Variants in DNAJC3 observed in about 807,000 individuals in gnomAD.
The protein encoded by DNAJC3 is DnaJ heat shock protein family (Hsp40) member C3.
A neutral mutation model predicts 68.6 loss-of-function variants in DNAJC3; 38 were observed. The observed-to-expected ratio is 0.55, with a 90% CI of 0.43 to 0.73. DNAJC3 has a LOEUF of 0.73. DNAJC3 is among the 30% of genes least tolerant of loss of function. The pLI is 0.00. For synonymous variants in DNAJC3, 203 were observed against 204.0 expected (o/e 1.00, Z 0.04); for missense variants, 526 against 591.9 (o/e 0.89, Z 1.16).
intron 4 of DNAJC3, among the ~76,000 whole-genome samples, chr13:95,750,840 A>C (rs2139666739): frequency 6.6e-6 from 1 of 152,238 alleles, no homozygotes; most frequent in East Asian, 1.9e-4. Flanking sequence ...TAAACTGGAA[A>C]TAGTAAAACC....
intron 4 of DNAJC3, among the ~76,000 whole-genome samples, chr13:95,729,768 A>G (rs1881655104): frequency 6.6e-6 from 1 of 151,978 alleles, no homozygotes; most frequent in South Asian, 2.1e-4. Context: ...GATGTTGAAC[A>G]TTTTTTCATA....
chr13:95,704,839 CTG>C (rs990886148), intron 1 of DNAJC3, among the ~76,000 whole-genome samples: 55 of 112,038 alleles, frequency 4.9e-4, no homozygotes, highest in African/African-American at 1.9e-3. Context: ...AAGGACTAAT[CTG>C]TGTGTGTGTG....
At chr13:95,787,642 G>A (rs1053157658) in intron 11 of DNAJC3, among the ~76,000 whole-genome samples, 14 of 151,844 alleles carry the variant, frequency 9.2e-5, no homozygotes, top group African/African-American at 3.4e-4. Flanking sequence ...TGAATCATAG[G>A]ATCATTAGAT....
intron 3 of DNAJC3, among the ~76,000 whole-genome samples, chr13:95,724,250 T>C (rs1359837417): frequency 1.2e-4 from 19 of 152,152 alleles, no homozygotes; most frequent in Admixed American, 6.5e-5. Flanking sequence ...AGTTTAATCT[T>C]GCTTTTTATT....
rs1171845899 is a variant in DNAJC3 at position 95,794,207 on chromosome 13, T to TAAC, written c.*3178_*3180dup. 6.6e-6 allele frequency: 1 copy of TAAC among 152,220 alleles called. No homozygotes were observed. The highest frequency in any genetic ancestry group is 1.5e-5 in the Non-Finnish European group (1 of 68,040). The allele number at this position is 152,220 out of a possible 1,614,324, so 9.4% of individuals were successfully genotyped here. A position where few individuals can be genotyped will look rare whatever the true frequency, so the allele number is the denominator to read the frequency against. On this transcript the variant is annotated 3_prime_UTR_variant, in exon 12 of 12. Transcript: ENST00000602402. ...ACTACCCACAGTTTAAGAGAAAACA[T>TAAC]AACTTGGTAAAAAAGGTAGCCAATA...
chr13:95,769,082 C>G (rs1883093468), intron 9 of DNAJC3, among the ~76,000 whole-genome samples: 1 of 152,146 alleles, frequency 6.6e-6, no homozygotes, highest in African/African-American at 2.4e-5. Context: ...GTCTCAGCCA[C>G]CAACACAGCT....
chr13:95,710,909 C>G (rs1880936456), intron 2 of DNAJC3, among the ~76,000 whole-genome samples: 1 of 151,984 alleles, frequency 6.6e-6, no homozygotes. Context: ...CAGCCTGTCT[C>G]AAACTCTTGT....
chr13:95,779,848 A>G (rs765098783), intron 9 of DNAJC3, among the ~76,000 whole-genome samples: 8 of 152,140 alleles, frequency 5.3e-5, no homozygotes, highest in Non-Finnish European at 8.8e-5. Context: ...TGTTTTTCTG[A>G]TGAACATTCA....
intron 1 of DNAJC3, chr13:95,693,356 T>G (rs1437269933): frequency 6.6e-6 from 1 of 152,208 alleles, no homozygotes; most frequent in Admixed American, 6.5e-5. Flanking sequence ...CCTGAGCCCT[T>G]TCTAGTACTC....
intron 1 of DNAJC3, among the ~76,000 whole-genome samples, chr13:95,700,984 C>T (rs1053904904): frequency 6.6e-6 from 1 of 152,022 alleles, no homozygotes; most frequent in Admixed American, 6.6e-5. Context: ...TTTTTTAAAG[C>T]CTCATTAATC....
intron 1 of DNAJC3, among the ~76,000 whole-genome samples, chr13:95,704,384 G>A (rs1880662765): frequency 6.6e-6 from 1 of 152,178 alleles, no homozygotes; most frequent in Admixed American, 6.5e-5. Flanking sequence ...ATAAACTGCA[G>A]CTTGTAAAAC....
intron 2 of DNAJC3, among the ~76,000 whole-genome samples, chr13:95,717,208 G>A (rs188333557): frequency 1.3e-5 from 2 of 152,290 alleles, no homozygotes; most frequent in Middle Eastern, 3.4e-3. Flanking sequence ...TGAAATGATC[G>A]ATTTCTTCAT....
At chr13:95,698,160 T>G (rs1016196956) in intron 1 of DNAJC3, among the ~76,000 whole-genome samples, 10 of 151,976 alleles carry the variant, frequency 6.6e-5, no homozygotes, top group Non-Finnish European at 1.2e-4. Context: ...TAGGGTAGAG[T>G]CTTTTGCTTT....
At chr13:95,725,299 A>G in intron 4 of DNAJC3, 47 bp downstream of exon 4, 1 of 1,415,240 alleles carries the variant, frequency 7.1e-7, no homozygotes. Flanking sequence ...ATTTTGAGAG[A>G]ACGTATTTGA....
At chr13:95,740,130 CG>C (rs1566493359) in intron 4 of DNAJC3, among the ~76,000 whole-genome samples, 1 of 152,160 alleles carries the variant, frequency 6.6e-6, no homozygotes, top group Non-Finnish European at 1.5e-5. Flanking sequence ...GCTCGGGGGT[CG>C]GGGTCAGGGA....
intron 1 of DNAJC3, among the ~76,000 whole-genome samples, chr13:95,707,082 C>T (rs975385785): frequency 6.6e-5 from 10 of 152,114 alleles, no homozygotes; most frequent in South Asian, 4.1e-4. Context: ...GAATCTGTTC[C>T]ACTTCAGATC....
intron 2 of DNAJC3, among the ~76,000 whole-genome samples, chr13:95,712,861 G>A (rs1045018563): frequency 6.6e-6 from 1 of 152,146 alleles, no homozygotes; most frequent in African/African-American, 2.4e-5. Flanking sequence ...TAATCACGGG[G>A]GAAAATACAG....
At chr13:95,760,013 T>C in intron 5 of DNAJC3, 27 bp from the exon 6 acceptor site, 3 of 1,537,048 alleles carry the variant, frequency 2.0e-6, no homozygotes, top group Non-Finnish European at 2.6e-6. Flanking sequence ...TATTCTTTCT[T>C]AAAGTCTAGT....
intron 1 of DNAJC3, among the ~76,000 whole-genome samples, chr13:95,700,114 C>CGCCA (rs1880546324): frequency 6.6e-6 from 1 of 152,066 alleles, no homozygotes; most frequent in Non-Finnish European, 1.5e-5. Context: ...TGCAACTGGC[C>CGCCA]TACTTTTATT....
Sources: gnomAD v4.1 joint callset for allele counts (sites outside exome capture counted in the v4.1 genomes callset) on GRCh38, gnomAD v4.1.1 for gene constraint, MANE v1.5 for transcripts, NCBI Gene and HGNC (gene_info 2026-07-23, HGNC 2026-07-21) for gene names.